The following RNF38 variants were observed in gnomAD, a reference collection of about 807,000 sequenced individuals.
RNF38 encodes E3 ubiquitin-protein ligase RNF38.
A neutral mutation model predicts 67.2 loss-of-function variants in RNF38; 15 were observed. The observed-to-expected ratio is 0.22, with a 90% confidence interval of 0.15 to 0.34. RNF38 has a LOEUF of 0.34. Ranked by LOEUF, RNF38 falls within the 10% of genes least tolerant of loss-of-function variation. RNF38 has a pLI of 1.00. For synonymous variants in RNF38, 220 were observed against 218.8 expected, an observed-to-expected ratio of 1.01 and a Z score of -0.05; for missense variants, 524 against 639.9, an observed-to-expected ratio of 0.82 and a Z score of 1.95.
rs139594446 is a variant in RNF38, at chr9:36,406,354, T to A, written n.313-15738A>T. ...TTACCTGCTGGAAGTTCTGGACCTCTACTAATGAGAAGGCAGTTCCTCATT... is the reference window on the plus strand; with the variant it reads ...TTACCTGCTGGAAGTTCTGGACCTCAACTAATGAGAAGGCAGTTCCTCATT... On this transcript the variant is annotated intron_variant and non_coding_transcript_variant, in intron 2 of 3. Transcript: ENST00000488058. Among the ~76,000 whole-genome samples, 11 of 152,358 alleles carry A rather than the reference T, an allele frequency of 7.2e-5. No individual in the cohort carries two copies. The East Asian group carries it at 2.1e-3, about 29-fold the overall frequency.
At chr9:36,464,063 T>C (rs1005758017) in intron 1 of RNF38, among the ~76,000 whole-genome samples, 11 of 150,808 alleles carry the variant, frequency 7.3e-5, no homozygotes, top group African/African-American at 2.7e-4. Context: ...GGTACTCAGG[T>C]TGAGGCAGGA....
At chr9:36,433,907 C>T (rs1172000842) in intron 1 of RNF38, among the ~76,000 whole-genome samples, 1 of 151,722 alleles carries the variant, frequency 6.6e-6, no homozygotes, top group Non-Finnish European at 1.5e-5. Context: ...TCTTCTAAAA[C>T]GAGTAATTTG....
chr9:36,377,099 G>T (rs1835847968), intron 2 of RNF38, among the ~76,000 whole-genome samples: 1 of 152,078 alleles, frequency 6.6e-6, no homozygotes, highest in Non-Finnish European at 1.5e-5. Context: ...AACTGATATG[G>T]ATCACTTAAT....
At chr9:36,401,280 G>C (rs1017114408), upstream of RNF38, 66 of 965,204 alleles carry the variant, frequency 6.8e-5, no homozygotes, top group East Asian at 2.2e-3. Flanking sequence ...TCCGCGCGCA[G>C]CACCACTGCG....
At chr9:36,388,242 A>G (rs1836791640) in intron 2 of RNF38, among the ~76,000 whole-genome samples, 1 of 152,136 alleles carries the variant, frequency 6.6e-6, no homozygotes. Flanking sequence ...TTCTTATACT[A>G]GATGGTCTTA....
At chr9:36,476,023 A>G (rs545081692) in intron 1 of RNF38, among the ~76,000 whole-genome samples, 65 of 151,948 alleles carry the variant, frequency 4.3e-4, no homozygotes, top group East Asian at 1.5e-3. Context: ...AAAAAAAAAA[A>G]AAAGAAAGAA....
In RNF38 at chr9:36,400,236, C is replaced by A; in HGVS notation, c.-128G>T. On this transcript the variant is annotated 5_prime_UTR_variant, in exon 1 of 12. Transcript: ENST00000259605. ...ACTTGCATCCCCTGAGAACAAAACG[C>A]AGCCTATCCAGAAACCCACGGAAGC... The A allele has an allele frequency of 7.0e-7, 1 of 1,426,292 alleles. No homozygotes were observed. Among genetic ancestry groups the A allele is most frequent in the Admixed American group, 2.8e-5 (1 of 35,720 alleles). 88.4% of individuals were successfully genotyped at this position (1,426,292 alleles called of 1,614,324 possible).
chr9:36,344,255 T>A (rs1833051503), intron 10 of RNF38, among the ~76,000 whole-genome samples: 1 of 152,172 alleles, frequency 6.6e-6, no homozygotes, highest in South Asian at 2.1e-4. Flanking sequence ...CCATAGGTGA[T>A]CCACTCGCCT....
At chr9:36,420,350 G>A (rs1838588958) in intron 2 of RNF38, among the ~76,000 whole-genome samples, 1 of 151,908 alleles carries the variant, frequency 6.6e-6, no homozygotes, top group African/African-American at 2.4e-5. Context: ...GGCTAACACA[G>A]TGAAACCCCC....
At chr9:36,467,537 TTA>T in intron 1 of RNF38, among the ~76,000 whole-genome samples, 1 of 152,244 alleles carries the variant, frequency 6.6e-6, no homozygotes, top group South Asian at 2.1e-4. Flanking sequence ...GGAGGTCAGA[TTA>T]TGATTCTGCT....
intron 1 of RNF38, among the ~76,000 whole-genome samples, chr9:36,469,480 A>T (rs1043756873): frequency 6.7e-6 from 1 of 149,238 alleles, no homozygotes; most frequent in Non-Finnish European, 1.5e-5. Context: ...ACCAACATGG[A>T]GAAACCCCAT....
chr9:36,481,261 C>G (rs374144210), intron 1 of RNF38, among the ~76,000 whole-genome samples: 3 of 152,188 alleles, frequency 2.0e-5, no homozygotes, highest in African/African-American at 7.2e-5. Flanking sequence ...GTGATCCACC[C>G]GCCTCGACCT....
Position 36,436,893 on chromosome 9 carries a change from G to C in RNF38, n.242-12210C>G, listed in dbSNP as rs1240175867. 6.0e-5 allele frequency among the ~76,000 whole-genome samples: 9 copies of C among 150,446 alleles called. 1 individual carries two copies. The highest frequency in any genetic ancestry group is 5.3e-4 in the Admixed American group (8 of 15,070). On this transcript the variant is annotated intron_variant and non_coding_transcript_variant, in intron 1 of 3. Transcript: ENST00000488058. ...GGATAATCATCCATCCTTTAGTTTT[G>C]CCATGGCAACCAGGGTTGGTAATCT... is the stretch of plus-strand genomic sequence containing the variant.
chr9:36,394,070 A>G (rs995919837), intron 1 of RNF38, among the ~76,000 whole-genome samples: 4 of 152,258 alleles, frequency 2.6e-5, no homozygotes, highest in Admixed American at 1.3e-4. Flanking sequence ...AGGTCAAGAG[A>G]TAGAGACCAA....
At chr9:36,397,659 G>C (rs1326205265) in intron 1 of RNF38, among the ~76,000 whole-genome samples, 1 of 151,968 alleles carries the variant, frequency 6.6e-6, no homozygotes, top group Non-Finnish European at 1.5e-5. Context: ...AATCCCATAA[G>C]GTGATGAAAA....
chr9:36,478,780 G>A (rs1840182714), intron 1 of RNF38, among the ~76,000 whole-genome samples: 1 of 146,372 alleles, frequency 6.8e-6, no homozygotes, highest in South Asian at 2.1e-4. Context: ...TGGCGCCACT[G>A]CACTCCAGCC....
At position 36,356,557 on chromosome 9, in the gene RNF38, T is replaced by C. The variant is rs540906883; in HGVS notation, c.739-84A>G. Reference sequence around the variant, plus strand: ...AGGATAGTGAGATTAAAATCTGTCATTGTCACACCTCTCCCAAAATCATGA... The same window carrying C: ...AGGATAGTGAGATTAAAATCTGTCACTGTCACACCTCTCCCAAAATCATGA... On this transcript the variant is annotated intron_variant, in intron 5 of 11. Coordinates refer to ENST00000259605, the MANE Select transcript of RNF38 (RefSeq NM_022781.5). The C allele has an allele frequency of 4.6e-5, 51 of 1,113,776 alleles. No homozygotes were observed. In the East Asian group the frequency reaches 7.6e-4, roughly 17 times the overall value. The allele number at this position is 1,113,776 out of a possible 1,614,324, so 69.0% of individuals were successfully genotyped here.
chr9:36,451,603 C>T (rs888577105), intron 1 of RNF38, among the ~76,000 whole-genome samples: 2 of 135,180 alleles, frequency 1.5e-5, no homozygotes, highest in Non-Finnish European at 3.1e-5. Flanking sequence ...CAGGTTCAAG[C>T]GATTCTCCTG....
At chr9:36,472,992 C>A (rs1316085879) in intron 1 of RNF38, among the ~76,000 whole-genome samples, 3 of 151,994 alleles carry the variant, frequency 2.0e-5, no homozygotes, top group Non-Finnish European at 4.4e-5. Flanking sequence ...ATTAGCCAGG[C>A]GTAGTGGCAC....
Sources: allele counts gnomAD v4.1 joint callset (sites outside exome capture counted in the v4.1 genomes callset), GRCh38; gene constraint gnomAD v4.1.1; transcripts MANE v1.5; gene names NCBI Gene and HGNC (gene_info 2026-07-23, HGNC 2026-07-21).